Variants in TPD52 observed in about 807,000 individuals in gnomAD.
The protein encoded by TPD52 is prostate and colon associated protein.
TPD52 carries 17 observed loss-of-function variants against 31.3 expected under a neutral mutation model. That is an observed-to-expected ratio of 0.54 (90% CI 0.37 to 0.82). The LOEUF is 0.82. Among genes scored for constraint, TPD52 ranks in the 40% least tolerant of loss-of-function variants. The probability of loss-of-function intolerance (pLI) is 0.00; values close to 1 mark genes in which losing one functional copy is unlikely to be tolerated. For missense variants in TPD52, 212 were observed against 240.1 expected (o/e 0.88, Z 0.77); for synonymous variants, 83 against 89.6 (o/e 0.93, Z 0.42).
At chr8:80,090,457 G>A (rs148680689) in intron 1 of TPD52, among the ~76,000 whole-genome samples, 1 of 152,198 alleles carries the variant, frequency 6.6e-6, no homozygotes, top group African/African-American at 2.4e-5. Context: ...ATGGGGAGGG[G>A]CGGGGCAGAC....
chr8:80,137,765 G>A (rs1242736446), intron 1 of TPD52, among the ~76,000 whole-genome samples: 2 of 152,022 alleles, frequency 1.3e-5, no homozygotes, highest in Non-Finnish European at 2.9e-5. Flanking sequence ...TTGAGAAGGG[G>A]ATAGTTTGGT....
At chr8:80,050,375 G>A (rs150240109) in intron 5 of TPD52, 70 bp downstream of exon 5, 357 of 1,453,518 alleles carry the variant, frequency 2.5e-4, no homozygotes, top group Non-Finnish European at 3.3e-4. Context: ...AACGTAGCAT[G>A]GTAATCTAAT....
chr8:80,131,502 CT>C, intron 1 of TPD52, among the ~76,000 whole-genome samples: 2 of 152,322 alleles, frequency 1.3e-5, no homozygotes, highest in Middle Eastern at 6.8e-3. Flanking sequence ...AATCCCTCCA[CT>C]CTAGCTACTC....
rs751128780 is a variant in TPD52 at position 80,082,267 on chromosome 8, T to C, written c.20-17674A>G. Among the ~76,000 whole-genome samples the C allele has an allele frequency of 5.3e-5, 8 of 152,292 alleles. No homozygotes were observed. In the South Asian group the frequency reaches 1.7e-3, roughly 32 times the overall value. ...TCTTTTTTATCATTATCTGAAAGAA[T>C]GGATTGTCTGGCTTCTTGAAATCCA... On this transcript the variant is annotated intron_variant, in intron 1 of 7. Transcript: ENST00000518937.
chr8:80,135,431 C>T (rs867218224), intron 1 of TPD52, among the ~76,000 whole-genome samples: 25 of 152,152 alleles, frequency 1.6e-4, no homozygotes, highest in African/African-American at 6.0e-4. Flanking sequence ...AGCCTACCTG[C>T]CCCCCAGGAG....
intron 5 of TPD52, among the ~76,000 whole-genome samples, chr8:80,048,335 C>T (rs906625776): frequency 2.6e-5 from 4 of 152,198 alleles, no homozygotes; most frequent in African/African-American, 9.7e-5. Flanking sequence ...CTGAGTCTAA[C>T]ACATTCAGGT....
rs149493130 is a variant in TPD52, at chr8:80,072,364, T to C, written c.20-7771A>G. The stretch of plus-strand genomic sequence containing the variant: ...GTGTGTGTGTATGTGTGTATATACA[T>C]GTACACATAGATATGCGTGTATATA... On this transcript the variant is annotated intron_variant, in intron 1 of 7. Coordinates refer to ENST00000518937, the MANE Select transcript of TPD52 (RefSeq NM_001025253.3). Among the ~76,000 whole-genome samples, 367 of 148,318 alleles carry C rather than the reference T, an allele frequency of 2.5e-3. 19 individuals are homozygous for C. Among genetic ancestry groups the C allele is most frequent in the African/African-American group, 9.2e-3 (354 of 38,652 alleles).
intron 6 of TPD52, 35 bp from the exon 7 acceptor site, chr8:80,042,703 A>G: frequency 6.4e-7 from 1 of 1,569,596 alleles, no homozygotes; most frequent in Non-Finnish European, 8.6e-7. Context: ...TAGTAAATAC[A>G]AATACTGAAA....
At chr8:80,103,305 C>G (rs1806876725) in intron 1 of TPD52, among the ~76,000 whole-genome samples, 1 of 152,214 alleles carries the variant, frequency 6.6e-6, no homozygotes, top group South Asian at 2.1e-4. Flanking sequence ...AGAAACTGCA[C>G]CAATCAGAAA....
rs1487909243 is a variant in TPD52, at chr8:80,120,027, ATTAAAAC to A, written c.19+51391_19+51397del. 2.1e-5 allele frequency: 5 copies of A among 243,336 alleles called. No homozygotes were observed. The East Asian group carries it at 6.1e-4, about 30-fold the overall frequency. 15.1% of individuals were successfully genotyped at this position (243,336 alleles called of 1,614,324 possible). ...AGACTGACAAATTTGACTATATACT[ATTAAAAC>A]TCTGTTATGATAGAATAGCACAAGT... On this transcript the variant is annotated intron_variant, in intron 1 of 7. Coordinates refer to ENST00000518937, the MANE Select transcript of TPD52 (RefSeq NM_001025253.3).
At chr8:80,164,972 T>A (rs572231735) in intron 1 of TPD52, among the ~76,000 whole-genome samples, 1 of 110,558 alleles carries the variant, frequency 9.0e-6, no homozygotes, top group Non-Finnish European at 1.9e-5. Context: ...CACTATAAAG[T>A]CAAAAAAGGT....
intron 1 of TPD52, among the ~76,000 whole-genome samples, chr8:80,085,841 C>G (rs539610745): frequency 2.6e-5 from 4 of 152,170 alleles, no homozygotes; most frequent in Non-Finnish European, 5.9e-5. Context: ...AACTAGCTGC[C>G]AGAAGGAAAA....
rs887028142 is a variant in TPD52 at position 80,034,873 on chromosome 8, G to C, written c.*3243C>G. 6.6e-6 allele frequency: 1 copy of C among 152,164 alleles called. No individual in the cohort carries two copies. Among genetic ancestry groups the C allele is most frequent in the Non-Finnish European group, 1.5e-5 (1 of 68,036 alleles). The allele number at this position is 152,164 out of a possible 1,614,324, so 9.4% of individuals were successfully genotyped here. A position where few individuals can be genotyped will look rare whatever the true frequency, so the allele number is the denominator to read the frequency against. On this transcript the variant is annotated 3_prime_UTR_variant, in exon 8 of 8. Coordinates refer to ENST00000518937, the MANE Select transcript of TPD52 (RefSeq NM_001025253.3). Reference sequence around the variant, plus strand: ...TACATGAGAGCTGGCAAGAATTTTAGTTGCCAAATAGCATTTATTTGAGTA... The same window carrying C: ...TACATGAGAGCTGGCAAGAATTTTACTTGCCAAATAGCATTTATTTGAGTA...
chr8:80,136,441 A>G (rs1809424101), intron 1 of TPD52, among the ~76,000 whole-genome samples: 2 of 144,634 alleles, frequency 1.4e-5, no homozygotes, highest in South Asian at 4.5e-4. Context: ...GGAGAATGGC[A>G]GGAACCCGGG....
intron 1 of TPD52, among the ~76,000 whole-genome samples, chr8:80,067,885 C>T (rs1028042978): frequency 6.6e-6 from 1 of 151,478 alleles, no homozygotes; most frequent in Admixed American, 6.6e-5. Flanking sequence ...TAGATATGAT[C>T]CTGTTTCTTG....
At chr8:80,094,464 A>ATATG (rs1401744424) in intron 1 of TPD52, among the ~76,000 whole-genome samples, 1 of 112,670 alleles carries the variant, frequency 8.9e-6, no homozygotes, top group East Asian at 2.6e-4. Context: ...ATATATATAT[A>ATATG]TATATATATA....
intron 1 of TPD52, among the ~76,000 whole-genome samples, chr8:80,135,038 A>G (rs1563651481): frequency 6.6e-6 from 1 of 152,164 alleles, no homozygotes; most frequent in Non-Finnish European, 1.5e-5. Context: ...CTTCCAGGAG[A>G]CGTACGCAAG....
chr8:80,072,798 C>CATAT lies in TPD52; in HGVS notation c.20-8209_20-8206dup, dbSNP rs779389191. 1.2e-3 allele frequency among the ~76,000 whole-genome samples: 172 copies of CATAT among 141,080 alleles called. 4 individuals are homozygous for CATAT. The highest frequency in any genetic ancestry group is 4.4e-3 in the African/African-American group (148 of 33,342). The allele number at this position is 141,080 out of a possible 152,430, so 92.6% of individuals were successfully genotyped here. ...ATATATACACATACACACACACACACATATATATATATATATAAACTTGGC... is the reference window on the plus strand; with the variant it reads ...ATATATACACATACACACACACACACATATATATATATATATATATAAACTTGGC... On this transcript the variant is annotated intron_variant, in intron 1 of 7. Coordinates refer to ENST00000518937, the MANE Select transcript of TPD52 (RefSeq NM_001025253.3).
chr8:80,068,781 T>C (rs565054234), intron 1 of TPD52, among the ~76,000 whole-genome samples: 1 of 152,126 alleles, frequency 6.6e-6, no homozygotes, highest in South Asian at 2.1e-4. Context: ...GGGGTAAGGA[T>C]GGAGAAGACA....
Sources: gnomAD v4.1 joint callset for allele counts (sites outside exome capture counted in the v4.1 genomes callset) on GRCh38, gnomAD v4.1.1 for gene constraint, MANE v1.5 for transcripts, NCBI Gene and HGNC (gene_info 2026-07-23, HGNC 2026-07-21) for gene names.